Variants in HDAC3 observed in about 807,000 individuals in gnomAD.
HDAC3 encodes histone deacetylase 3.
HDAC3 carries 21 observed loss-of-function variants against 62.3 expected under a neutral mutation model. The observed-to-expected ratio is 0.34, with a 90% CI of 0.24 to 0.49. The LOEUF is 0.49. Ranked by LOEUF, HDAC3 falls within the 20% of genes least tolerant of loss-of-function variation. HDAC3 has a pLI of 0.99. For synonymous variants in HDAC3, 198 were observed against 206.5 expected, an observed-to-expected ratio of 0.96 and a Z score of 0.35; for missense variants, 270 against 556.9, an observed-to-expected ratio of 0.48 and a Z score of 5.19.
chr5:141,624,793 T>TGTAAAGCAGCATAC (rs1401111670), intron 14 of HDAC3: 1 of 158,884 alleles, frequency 6.3e-6, no homozygotes, highest in Non-Finnish European at 1.4e-5. Flanking sequence ...AGCTATATGA[T>TGTAAAGCAGCATAC]GTAAAGCAGC....
At chr5:141,622,221 C>A (rs576530495) in intron 14 of HDAC3, among the ~76,000 whole-genome samples, 1 of 152,150 alleles carries the variant, frequency 6.6e-6, no homozygotes, top group Non-Finnish European at 1.5e-5. Flanking sequence ...AGAAGAGTGA[C>A]GTGGTATTAT....
Position 141,627,017 on chromosome 5 carries a change from A to G in HDAC3, c.831-734T>C, listed in dbSNP as rs564428611. On this transcript the variant is annotated intron_variant, in intron 10 of 14. Coordinates refer to ENST00000305264, the MANE Select transcript of HDAC3 (RefSeq NM_003883.4). ...TCACTTTCCTGCTTAAAATCCTTCA[A>G]TGGTTTCCCATCATCTTTGGAATAT... is the stretch of plus-strand genomic sequence containing the variant. Among the ~76,000 whole-genome samples the G allele has an allele frequency of 7.2e-5, 11 of 152,010 alleles. No homozygotes were observed. The South Asian group carries it at 1.3e-3, about 17-fold the overall frequency.
chr5:141,630,716 A>G (rs1364197879), intron 3 of HDAC3, among the ~76,000 whole-genome samples: 1 of 152,226 alleles, frequency 6.6e-6, no homozygotes, highest in Non-Finnish European at 1.5e-5. Context: ...TTTATGTAAC[A>G]TTCTGGAAAA....
At chr5:141,633,563 C>A (rs2099905533) in intron 3 of HDAC3, among the ~76,000 whole-genome samples, 2 of 151,984 alleles carry the variant, frequency 1.3e-5, no homozygotes, top group South Asian at 4.2e-4. Context: ...CGATGGCTCA[C>A]GTCTGTAATC....
intron 2 of HDAC3, among the ~76,000 whole-genome samples, chr5:141,635,471 C>G (rs2099905825): frequency 6.6e-6 from 1 of 152,242 alleles, no homozygotes; most frequent in African/African-American, 2.4e-5. Context: ...CAAACAATCT[C>G]AAGGGATATA....
intron 3 of HDAC3, among the ~76,000 whole-genome samples, chr5:141,631,078 T>C (rs1251519288): frequency 6.6e-6 from 1 of 151,958 alleles, no homozygotes; most frequent in African/African-American, 2.4e-5. Context: ...TATATAAACC[T>C]GACTTTTTAA....
rs138090701 is a variant in HDAC3 at position 141,633,804 on chromosome 5, C to T, written c.281+1007G>A. 1.6e-3 allele frequency among the ~76,000 whole-genome samples: 203 copies of T among 128,112 alleles called. 1 individual carries two copies. Among genetic ancestry groups the T allele is most frequent in the African/African-American group, 5.9e-3 (189 of 32,294 alleles). The allele number at this position is 128,112 out of a possible 152,430, so 84.0% of individuals were successfully genotyped here. ...CTGCACCACTGCACTCCAGCCTGGG[C>T]TACAGAGTGAGACTCTGTCTCAAAA... On this transcript the variant is annotated intron_variant, in intron 3 of 14. Transcript: ENST00000305264.
intron 2 of HDAC3, chr5:141,636,314 G>A: frequency 6.9e-6 from 4 of 575,946 alleles, no homozygotes; most frequent in Non-Finnish European, 1.3e-5. Flanking sequence ...CTAGGCCAAG[G>A]GCTAGTGTGC....
intron 2 of HDAC3, 99 bp downstream of exon 2, chr5:141,636,449 A>G (rs768487309): frequency 7.8e-6 from 8 of 1,029,246 alleles, no homozygotes; most frequent in East Asian, 4.9e-5. Flanking sequence ...CCGATACTCT[A>G]GGGGCGGGTC....
rs759252267 is a variant in HDAC3 at position 141,625,368 on chromosome 5, G to A, written c.1060-3C>T. ...GTCTGGCGGATCTGGTCCAGATACT[G>A]GTTGGAAATGAGGAATACAGAGTGA... On this transcript the variant is annotated splice_polypyrimidine_tract_variant and splice_region_variant and intron_variant, in intron 13 of 14. Transcript: ENST00000305264. The surrounding 1 kb of genome is among the most constrained non-coding windows in gnomAD (Gnocchi z 4.0). 1 of 1,613,928 alleles carries A rather than the reference G, an allele frequency of 6.2e-7. No individual in the cohort carries two copies. The highest frequency in any genetic ancestry group is 8.5e-7 in the Non-Finnish European group (1 of 1,179,950).
intron 14 of HDAC3, among the ~76,000 whole-genome samples, chr5:141,624,697 A>G (rs1181614078): frequency 2.6e-5 from 4 of 152,186 alleles, no homozygotes; most frequent in Non-Finnish European, 5.9e-5. Context: ...GTAATACCAA[A>G]AAAATGGAAA....
At position 141,633,900 on chromosome 5, in the gene HDAC3, G is replaced by A. The variant is rs186108169; in HGVS notation, c.281+911C>T. 8.7e-4 allele frequency among the ~76,000 whole-genome samples: 132 copies of A among 151,766 alleles called. 2 individuals carry two copies. The highest frequency in any genetic ancestry group is 6.3e-4 in the South Asian group (3 of 4,796). ...AAGCTAGGTGATGGACGTATGGGAG[G>A]TCACTGCACTACTTCACTTTCAGAA... On this transcript the variant is annotated intron_variant, in intron 3 of 14. Coordinates refer to ENST00000305264, the MANE Select transcript of HDAC3 (RefSeq NM_003883.4).
At chr5:141,634,528 C>CA (rs1261482847) in intron 3 of HDAC3, among the ~76,000 whole-genome samples, 6 of 152,208 alleles carry the variant, frequency 3.9e-5, no homozygotes, top group African/African-American at 1.4e-4. Context: ...AACAATCCTC[C>CA]ACGTATACAC....
At chr5:141,636,522 C>G (rs769651129) in intron 2 of HDAC3, 26 bp downstream of exon 2, 6 of 1,606,996 alleles carry the variant, frequency 3.7e-6, no homozygotes, top group Admixed American at 3.3e-5. Flanking sequence ...CACCCCCCAA[C>G]CCCCGGCCGA....
rs751719686 is a variant in HDAC3 at position 141,621,551 on chromosome 5, GGA to G, written c.1218-16_1218-15del. The G allele has an allele frequency of 5.3e-4, 858 of 1,608,502 alleles. 13 individuals carry two copies. Among genetic ancestry groups the G allele is most frequent in the Non-Finnish European group, 2.8e-5 (33 of 1,175,086 alleles). ...GGTGCCTCTGGCCTGCAAAGCAAGG[GGA>G]GAGAGGTCAGGATCTCACTCTAAGT... On this transcript the variant is annotated splice_polypyrimidine_tract_variant and intron_variant, in intron 14 of 14. Transcript: ENST00000305264.
At chr5:141,634,106 T>C (rs367618013) in intron 3 of HDAC3, among the ~76,000 whole-genome samples, 1 of 152,314 alleles carries the variant, frequency 6.6e-6, no homozygotes. Context: ...ACAAGCTCAA[T>C]GTAAACCTAA....
intron 2 of HDAC3, 80 bp downstream of exon 2, chr5:141,636,468 T>C (rs1166685043): frequency 3.1e-6 from 4 of 1,298,970 alleles, no homozygotes; most frequent in Admixed American, 1.7e-5. Context: ...TCGCACTTCA[T>C]GCACTCAGTC....
Position 141,628,130 on chromosome 5 carries a change from G to T in HDAC3, c.749C>A (p.Thr250Lys). The T allele has an allele frequency of 6.2e-7, 1 of 1,614,058 alleles. No individual in the cohort carries two copies. ...CAGTATTACCTGGAGCACAATGCAC[G>T]TGGGTTGGTAGAAGTCCACTACCTG... Reference protein sequence around the residue: ...INQVVDFYQPTCIVLQCGADS... With the variant: ...INQVVDFYQPKCIVLQCGADS... The change falls in exon 9 of 15, where the codon ACG (threonine) becomes AAG (lysine). Residue 250 changes from threonine to lysine, a missense_variant. Transcript: ENST00000305264. This position sits in a 1 kb window ranked among gnomAD's most constrained non-coding sequence, Gnocchi z 4.7.
intron 3 of HDAC3, among the ~76,000 whole-genome samples, chr5:141,631,882 A>G (rs1445982510): frequency 6.6e-6 from 1 of 151,964 alleles, no homozygotes; most frequent in Non-Finnish European, 1.5e-5. Context: ...TTACCTAAGG[A>G]TTACAGATTA....
Sources: gnomAD v4.1 joint callset for allele counts (sites outside exome capture counted in the v4.1 genomes callset) on GRCh38, gnomAD v4.1.1 for gene constraint, Gnocchi (gnomAD v3.1) non-coding constraint, MANE v1.5 for transcripts, NCBI Gene and HGNC (gene_info 2026-07-23, HGNC 2026-07-21) for gene names.